The following PPIL3 variants were observed in gnomAD, a reference collection of about 807,000 sequenced individuals.
The protein encoded by PPIL3 is peptidyl-prolyl cis-trans isomerase-like 3.
In PPIL3, 13 loss-of-function variants were observed where a neutral mutation model predicts 20.9. The observed-to-expected ratio is 0.62, with a 90% CI of 0.40 to 0.99. The LOEUF is 0.99. PPIL3 is among the 50% of genes least tolerant of loss of function. PPIL3 has a pLI of 0.00. For synonymous variants in PPIL3, 71 were observed against 64.4 expected, an observed-to-expected ratio of 1.10 and a Z score of -0.49; for missense variants, 170 against 195.2, an observed-to-expected ratio of 0.87 and a Z score of 0.77.
At chr2:200,875,568 T>C (rs1319008436) in intron 6 of PPIL3, among the ~76,000 whole-genome samples, 2 of 151,614 alleles carry the variant, frequency 1.3e-5, no homozygotes, top group African/African-American at 4.8e-5. Flanking sequence ...ACCCGGCTTT[T>C]CTTTTTTTCT....
intron 6 of PPIL3, among the ~76,000 whole-genome samples, chr2:200,876,329 A>G (rs943467618): frequency 6.6e-6 from 1 of 151,958 alleles, no homozygotes; most frequent in Non-Finnish European, 1.5e-5. Flanking sequence ...AAAAAGAAAA[A>G]GAAAATAGAT....
intron 3 of PPIL3, among the ~76,000 whole-genome samples, chr2:200,883,266 A>T (rs1028324531): frequency 4.6e-5 from 7 of 151,538 alleles, no homozygotes; most frequent in African/African-American, 1.2e-4. Context: ...GGAATTTTTT[A>T]AAATTTTATT....
At chr2:200,888,521 CTTTTT>C (rs941527376) in intron 1 of PPIL3, 1 of 182,094 alleles carries the variant, frequency 5.5e-6, no homozygotes, top group Non-Finnish European at 1.2e-5. Context: ...ATGAACTTCT[CTTTTT>C]TTTTCATTTT....
At chr2:200,885,256 A>G (rs1042759484) in intron 3 of PPIL3, 8 of 311,080 alleles carry the variant, frequency 2.6e-5, no homozygotes, top group Admixed American at 1.0e-4. Flanking sequence ...CTGTAATCCC[A>G]CTTACTCGGG....
intron 6 of PPIL3, among the ~76,000 whole-genome samples, chr2:200,874,225 A>C (rs1393303955): frequency 6.6e-6 from 1 of 150,916 alleles, no homozygotes; most frequent in Non-Finnish European, 1.5e-5. Context: ...AAAAAAAAAA[A>C]TTAGCAGATT....
intron 3 of PPIL3, among the ~76,000 whole-genome samples, chr2:200,884,021 G>A (rs1021542951): frequency 1.3e-5 from 2 of 152,098 alleles, no homozygotes; most frequent in African/African-American, 2.4e-5. Flanking sequence ...CAAAGTGCTG[G>A]AATTATAGAT....
chr2:200,881,414 G>A lies in PPIL3; in HGVS notation c.240+7C>T. On this transcript the variant is annotated splice_region_variant and intron_variant, in intron 5 of 6. Transcript: ENST00000392283. The stretch of plus-strand genomic sequence containing the variant: ...AGAAATAGATTTTTAAAGCATTGAG[G>A]ATTTACCTTAAGATATTCACTGTAT... 2 of 1,605,770 alleles carry A rather than the reference G, an allele frequency of 1.2e-6. No homozygotes were observed. Among genetic ancestry groups the A allele is most frequent in the Non-Finnish European group, 1.7e-6 (2 of 1,175,680 alleles).
At chr2:200,875,434 A>AT (rs1388160428) in intron 6 of PPIL3, among the ~76,000 whole-genome samples, 1 of 151,788 alleles carries the variant, frequency 6.6e-6, no homozygotes, top group Non-Finnish European at 1.5e-5. Context: ...CACCCAGCTA[A>AT]TTTTTGTATT....
chr2:200,873,781 G>T (rs2039402831), intron 6 of PPIL3, among the ~76,000 whole-genome samples: 2 of 151,332 alleles, frequency 1.3e-5, no homozygotes, highest in Non-Finnish European at 2.9e-5. Context: ...ACTGCATTTT[G>T]ACTGCAACCC....
At chr2:200,881,311 G>A (rs1331042591) in intron 5 of PPIL3, 110 bp downstream of exon 5, 3 of 771,766 alleles carry the variant, frequency 3.9e-6, no homozygotes, top group African/African-American at 3.6e-5. Context: ...CTATAAAAAA[G>A]TATGTTCATT....
intron 3 of PPIL3, among the ~76,000 whole-genome samples, chr2:200,884,190 G>A (rs973066316): frequency 6.6e-6 from 1 of 151,720 alleles, no homozygotes; most frequent in African/African-American, 2.4e-5. Context: ...ATCACCTGAG[G>A]TCAGGAGTTT....
chr2:200,874,541 C>T (rs1018763977), intron 6 of PPIL3, among the ~76,000 whole-genome samples: 3 of 152,250 alleles, frequency 2.0e-5, no homozygotes, highest in Admixed American at 2.0e-4. Flanking sequence ...ATACAACAAA[C>T]AAGGAATTAA....
chr2:200,873,035 C>T (rs2105754659), intron 6 of PPIL3, among the ~76,000 whole-genome samples: 1 of 152,156 alleles, frequency 6.6e-6, no homozygotes, highest in South Asian at 2.1e-4. Flanking sequence ...CCACGCCTGG[C>T]TAATTTTTGT....
intron 5 of PPIL3, among the ~76,000 whole-genome samples, chr2:200,881,199 T>C (rs2039707937): frequency 6.6e-6 from 1 of 152,222 alleles, no homozygotes; most frequent in African/African-American, 2.4e-5. Flanking sequence ...ATGAACTCAC[T>C]TACTATCAAG....
At chr2:200,873,938 G>A (rs950701823) in intron 6 of PPIL3, among the ~76,000 whole-genome samples, 18 of 151,596 alleles carry the variant, frequency 1.2e-4, no homozygotes, top group Admixed American at 6.6e-4. Flanking sequence ...TGGCGCAGTG[G>A]CTCACGCCTG....
At chr2:200,886,516 C>T (rs908203089) in intron 2 of PPIL3, among the ~76,000 whole-genome samples, 4 of 151,868 alleles carry the variant, frequency 2.6e-5, no homozygotes, top group Non-Finnish European at 5.9e-5. Flanking sequence ...ATCTCCACCT[C>T]CTGCGTTCAA....
chr2:200,874,000 T>G (rs560625397), intron 6 of PPIL3, among the ~76,000 whole-genome samples: 73 of 151,294 alleles, frequency 4.8e-4, no homozygotes, highest in Admixed American at 4.3e-3. Flanking sequence ...GGTCGGGAGA[T>G]TGAGACCATC....
chr2:200,871,299 G>A lies in PPIL3; in HGVS notation c.*96C>T. ...AGAAGATCATAGTTGTAAACAAGCAGAAGGATGATGCAATCTCTGACATAA... is the reference window on the plus strand; with the variant it reads ...AGAAGATCATAGTTGTAAACAAGCAAAAGGATGATGCAATCTCTGACATAA... On this transcript the variant is annotated 3_prime_UTR_variant, in exon 7 of 7. Coordinates refer to ENST00000392283, the MANE Select transcript of PPIL3 (RefSeq NM_130906.3). 7.6e-7 allele frequency: 1 copy of A among 1,313,036 alleles called. No homozygotes were observed. Among genetic ancestry groups the A allele is most frequent in the Non-Finnish European group, 1.0e-6 (1 of 957,762 alleles). The allele number at this position is 1,313,036 out of a possible 1,614,324, so 81.3% of individuals were successfully genotyped here. A position where few individuals can be genotyped will look rare whatever the true frequency, so the allele number is the denominator to read the frequency against.
chr2:200,874,449 C>T (rs1441047287), intron 6 of PPIL3, among the ~76,000 whole-genome samples: 1 of 151,948 alleles, frequency 6.6e-6, no homozygotes, highest in East Asian at 1.9e-4. Flanking sequence ...TAAGTAGAGT[C>T]AAGTATATGG....
Sources: allele counts gnomAD v4.1 joint callset (sites outside exome capture counted in the v4.1 genomes callset), GRCh38; gene constraint gnomAD v4.1.1; transcripts MANE v1.5; gene names NCBI Gene and HGNC (gene_info 2026-07-23, HGNC 2026-07-21).